The following MTUS2 variants were observed in gnomAD, a reference collection of about 807,000 sequenced individuals.
The protein encoded by MTUS2 is microtubule associated scaffold protein 2, also known as microtubule-associated tumor suppressor candidate 2.
MTUS2 carries 40 observed loss-of-function variants against 114.1 expected under a neutral mutation model. That is an observed-to-expected ratio of 0.35 (90% CI 0.27 to 0.46). MTUS2 has a LOEUF of 0.46. MTUS2 is among the 20% of genes least tolerant of loss of function. The pLI is 1.00. For missense variants in MTUS2, 1,679 were observed against 1,705.4 expected (o/e 0.98, Z 0.27); for synonymous variants, 688 against 672.0 (o/e 1.02, Z -0.37).
At chr13:29,449,006 G>A (rs1006059590) in intron 9 of MTUS2, among the ~76,000 whole-genome samples, 7 of 151,804 alleles carry the variant, frequency 4.6e-5, no homozygotes, top group Non-Finnish European at 7.4e-5. Context: ...CGCCCACCTC[G>A]GCCTCCCAAA....
intron 6 of MTUS2, among the ~76,000 whole-genome samples, chr13:29,282,742 A>G (rs1438099813): frequency 2.6e-5 from 4 of 152,192 alleles, no homozygotes; most frequent in African/African-American, 9.6e-5. Context: ...ATGTATCATC[A>G]TATCAATGTA....
At chr13:29,414,395 T>C (rs1475436372) in intron 8 of MTUS2, among the ~76,000 whole-genome samples, 16 of 119,936 alleles carry the variant, frequency 1.3e-4, no homozygotes, top group Admixed American at 7.0e-4. Context: ...GCATGGCACA[T>C]GTATACATAT....
At chr13:28,867,289 G>A (rs1877356509) in intron 2 of MTUS2, among the ~76,000 whole-genome samples, 1 of 152,162 alleles carries the variant, frequency 6.6e-6, no homozygotes, top group Non-Finnish European at 1.5e-5. Context: ...TGTAACCAAA[G>A]CTCTTTTTTT....
At chr13:29,040,445 T>C (rs1887297233) in intron 4 of MTUS2, among the ~76,000 whole-genome samples, 1 of 152,220 alleles carries the variant, frequency 6.6e-6, no homozygotes, top group Non-Finnish European at 1.5e-5. Flanking sequence ...AAGTATCTTG[T>C]ATAATGATTT....
chr13:29,207,911 G>C (rs1418826111), intron 5 of MTUS2, among the ~76,000 whole-genome samples: 5 of 151,994 alleles, frequency 3.3e-5, no homozygotes, highest in Admixed American at 2.0e-4. Flanking sequence ...TTCTTTCCTG[G>C]TTTTAGTATT....
chr13:28,822,693 A>AT lies in MTUS2; in HGVS notation c.-316+2092dup, dbSNP rs577853390. ...CCTGAGTTTGTATTTGTACTTTTGG[A>AT]TTTTTTTTTTAAATAAGGAGAGTAC... On this transcript the variant is annotated intron_variant, in intron 1 of 15. Coordinates refer to ENST00000612955, the MANE Select transcript of MTUS2 (RefSeq NM_001033602.4). Among the ~76,000 whole-genome samples the AT allele has an allele frequency of 5.7e-3, 679 of 118,428 alleles. 3 individuals carry two copies. The highest frequency in any genetic ancestry group is 0.024 in the South Asian group (98 of 4,048). 77.7% of individuals were successfully genotyped at this position (118,428 alleles called of 152,430 possible).
At chr13:29,319,374 G>A (rs1900156693) in intron 6 of MTUS2, among the ~76,000 whole-genome samples, 2 of 152,120 alleles carry the variant, frequency 1.3e-5, no homozygotes, top group African/African-American at 4.8e-5. Flanking sequence ...TCATCTCCTG[G>A]CCCCTTGTTC....
intron 5 of MTUS2, among the ~76,000 whole-genome samples, chr13:29,105,333 A>G (rs985992723): frequency 3.3e-5 from 5 of 152,204 alleles, no homozygotes; most frequent in Non-Finnish European, 7.3e-5. Context: ...GGAAAATAGG[A>G]TGACTTAGGT....
At chr13:29,353,701 G>C (rs1176840191) in intron 7 of MTUS2, among the ~76,000 whole-genome samples, 2 of 152,170 alleles carry the variant, frequency 1.3e-5, no homozygotes, top group Non-Finnish European at 2.9e-5. Context: ...GGCAGGTACT[G>C]ATCAGCACTT....
At chr13:28,941,910 C>T (rs1334102861) in intron 2 of MTUS2, among the ~76,000 whole-genome samples, 1 of 152,192 alleles carries the variant, frequency 6.6e-6, no homozygotes, top group Non-Finnish European at 1.5e-5. Context: ...TATTCATTCA[C>T]TGAGTTATGC....
At chr13:29,085,790 T>A (rs1341572136) in intron 4 of MTUS2, among the ~76,000 whole-genome samples, 1 of 152,228 alleles carries the variant, frequency 6.6e-6, no homozygotes, top group South Asian at 2.1e-4. Flanking sequence ...CTTTTTTTCC[T>A]TTGGCTGTAT....
At chr13:29,392,079 G>A (rs1318108719) in intron 8 of MTUS2, among the ~76,000 whole-genome samples, 1 of 137,340 alleles carries the variant, frequency 7.3e-6, no homozygotes, top group Non-Finnish European at 1.5e-5. Flanking sequence ...AGTGAGCCGA[G>A]GTTGCACCAC....
chr13:28,929,955 GCTGAGGCTGCAAGGAGGGAAAGGGAGGC>G (rs1566230940), intron 2 of MTUS2, among the ~76,000 whole-genome samples: 2 of 152,134 alleles, frequency 1.3e-5, no homozygotes, highest in African/African-American at 2.4e-5. Flanking sequence ...AGGAGGTGGG[GCTGAGGCTGCAAGGAGGGAAAGGGAGGC>G]CTGAGGACAT....
chr13:28,959,217 C>T (rs1883208762), intron 2 of MTUS2, among the ~76,000 whole-genome samples: 1 of 152,228 alleles, frequency 6.6e-6, no homozygotes, highest in Admixed American at 6.5e-5. Flanking sequence ...CTCTGATCAC[C>T]TCTCGACTCC....
At chr13:29,319,324 C>T (rs901837726) in intron 6 of MTUS2, among the ~76,000 whole-genome samples, 6 of 152,060 alleles carry the variant, frequency 3.9e-5, no homozygotes. Flanking sequence ...CACGACTGTC[C>T]CCCAGGGGGG....
rs752965312 is a variant in MTUS2 at position 29,025,667 on chromosome 13, G to A, written c.969G>A (p.Glu323=). The A allele has an allele frequency of 4.3e-6, 7 of 1,613,936 alleles. No individual in the cohort carries two copies. The highest frequency in any genetic ancestry group is 5.9e-6 in the Non-Finnish European group (7 of 1,179,912). Residue 323 remains glutamate, a synonymous_variant, in exon 3 of 16, where the codon GAG becomes GAA. Transcript: ENST00000612955. Reference sequence around the variant, plus strand: ...TTCCTCCCAGGAGAGTTGAACAGGAGGGAAAGGCAGCCCAGGAAGGGTATC... The same window carrying A: ...TTCCTCCCAGGAGAGTTGAACAGGAAGGAAAGGCAGCCCAGGAAGGGTATC... ...KYVPPRRVEQ[E]GKAAQEGYLG...
At chr13:29,163,023 T>TATGTATGTGTGTGATGTGTGCGC (rs1893166402) in intron 5 of MTUS2, among the ~76,000 whole-genome samples, 2 of 152,120 alleles carry the variant, frequency 1.3e-5, no homozygotes. Flanking sequence ...GGCATGCATA[T>TATGTATGTGTGTGATGTGTGCGC]ATGTATGTGT....
intron 8 of MTUS2, among the ~76,000 whole-genome samples, chr13:29,381,162 G>A (rs1566167171): frequency 6.6e-6 from 1 of 152,160 alleles, no homozygotes; most frequent in South Asian, 2.1e-4. Context: ...ATGTATCTGG[G>A]CTTCTGCCCA....
intron 5 of MTUS2, among the ~76,000 whole-genome samples, chr13:29,209,036 C>T (rs1895309907): frequency 6.6e-6 from 1 of 152,052 alleles, no homozygotes; most frequent in Admixed American, 6.5e-5. Flanking sequence ...AAGTCTCCCA[C>T]TTATTATTGT....
Sources: gnomAD v4.1 joint callset for allele counts (sites outside exome capture counted in the v4.1 genomes callset) on GRCh38, gnomAD v4.1.1 for gene constraint, MANE v1.5 for transcripts, NCBI Gene and HGNC (gene_info 2026-07-23, HGNC 2026-07-21) for gene names.